The following LRMDA variants were observed in gnomAD, a reference collection of about 807,000 sequenced individuals.
LRMDA encodes leucine-rich melanocyte differentiation-associated protein.
In LRMDA, 18 loss-of-function variants were observed where a neutral mutation model predicts 29.8. The observed-to-expected ratio is 0.60, with a 90% CI of 0.42 to 0.90. LRMDA has a LOEUF of 0.90. Among genes scored for constraint, LRMDA ranks in the 40% least tolerant of loss-of-function variants. The pLI is 0.00. For synonymous variants in LRMDA, 125 were observed against 109.4 expected, an observed-to-expected ratio of 1.14 and a Z score of -0.89; for missense variants, 273 against 273.9, an observed-to-expected ratio of 1.00 and a Z score of 0.02.
At chr10:76,418,990 A>C (rs1393075265) in intron 6 of LRMDA, among the ~76,000 whole-genome samples, 1 of 152,006 alleles carries the variant, frequency 6.6e-6, no homozygotes, top group Non-Finnish European at 1.5e-5. Context: ...CTTCCCAGAT[A>C]CTCCCTGCCT....
rs114986669 is a variant in LRMDA, at chr10:76,263,696, T to G, written c.517-60705T>G. On this transcript the variant is annotated intron_variant, in intron 5 of 6. Transcript: ENST00000611255. Reference sequence around the variant, plus strand: ...CATAGGCTCAAGTGGAAGAATACTGTGTAGGAGCAAGAATAATATGTAGGG... The same window carrying G: ...CATAGGCTCAAGTGGAAGAATACTGGGTAGGAGCAAGAATAATATGTAGGG... Among the ~76,000 whole-genome samples the G allele has an allele frequency of 3.5e-3, 535 of 152,284 alleles. 6 individuals carry two copies. The highest frequency in any genetic ancestry group is 0.012 in the African/African-American group (506 of 41,550).
At chr10:75,476,947 GTCTA>G (rs1273295079) in intron 2 of LRMDA, among the ~76,000 whole-genome samples, 2 of 151,830 alleles carry the variant, frequency 1.3e-5, no homozygotes, top group East Asian at 3.9e-4. Flanking sequence ...CCCTCTGTGT[GTCTA>G]TCTGTGTCCT....
intron 5 of LRMDA, among the ~76,000 whole-genome samples, chr10:76,073,365 A>T (rs2132071252): frequency 6.6e-6 from 1 of 152,176 alleles, no homozygotes; most frequent in East Asian, 1.9e-4. Context: ...TGTGTTCTTG[A>T]TGTGTTTAAT....
intron 2 of LRMDA, among the ~76,000 whole-genome samples, chr10:75,896,065 G>A (rs909702593): frequency 3.9e-5 from 6 of 152,200 alleles, no homozygotes; most frequent in African/African-American, 1.4e-4. Context: ...TTGAGTTCAT[G>A]TATGGAAAGG....
intron 2 of LRMDA, among the ~76,000 whole-genome samples, chr10:75,442,823 G>T (rs2132025244): frequency 6.6e-6 from 1 of 151,958 alleles, no homozygotes; most frequent in South Asian, 2.1e-4. Context: ...TGAAACTGTT[G>T]ATTGCTTTAG....
chr10:76,295,428 A>G lies in LRMDA; in HGVS notation c.517-28973A>G, dbSNP rs144649621. The stretch of plus-strand genomic sequence containing the variant: ...TTTCAAAGTTTGCCTATACATTTTC[A>G]GTCATTTCCTTGTTTGTATTCAGGT... On this transcript the variant is annotated intron_variant, in intron 5 of 6. Coordinates refer to ENST00000611255, the MANE Select transcript of LRMDA (RefSeq NM_001305581.2). 4.3e-3 allele frequency among the ~76,000 whole-genome samples: 654 copies of G among 152,324 alleles called. 5 individuals carry two copies. Among genetic ancestry groups the G allele is most frequent in the African/African-American group, 0.014 (592 of 41,572 alleles).
intron 5 of LRMDA, among the ~76,000 whole-genome samples, chr10:76,241,725 A>T (rs1488792587): frequency 2.0e-5 from 3 of 152,142 alleles, no homozygotes; most frequent in African/African-American, 7.2e-5. Flanking sequence ...TGCCCTGGTG[A>T]ATAACACTGC....
intron 6 of LRMDA, among the ~76,000 whole-genome samples, chr10:76,492,963 T>C (rs1457261182): frequency 1.3e-5 from 2 of 151,942 alleles, no homozygotes; most frequent in Non-Finnish European, 2.9e-5. Context: ...AGCCAAACCA[T>C]ATCAGACCTG....
rs763810945 is a variant in LRMDA, at chr10:76,036,102, A to G, written c.226A>G (p.Arg76Gly). The change falls in exon 3 of 7, where the codon AGA (arginine) becomes GGA (glycine). Residue 76 changes from arginine (R) to glycine (G), a missense_variant. Transcript: ENST00000611255. ...CGACCTTGTGTTGCCAGGGTTACCC[A>G]GACTGCATACCTTAACCCTCAACAA... ...GDDLVLPGLP[R>G]LHTLTLNKNR... 12 of 1,614,046 alleles carry G rather than the reference A, an allele frequency of 7.4e-6. No individual in the cohort carries two copies. The highest frequency in any genetic ancestry group is 1.0e-5 in the Non-Finnish European group (12 of 1,180,008).
intron 2 of LRMDA, among the ~76,000 whole-genome samples, chr10:75,639,034 C>G (rs191775900): frequency 6.6e-6 from 1 of 152,156 alleles, no homozygotes; most frequent in African/African-American, 2.4e-5. Flanking sequence ...TGTTTTATTA[C>G]GTTTGCCTTT....
intron 2 of LRMDA, among the ~76,000 whole-genome samples, chr10:75,453,157 T>C (rs909484922): frequency 6.6e-6 from 1 of 152,216 alleles, no homozygotes; most frequent in African/African-American, 2.4e-5. Context: ...TCAGATATTA[T>C]TGTATACCTC....
chr10:75,937,436 C>A (rs537021371), intron 2 of LRMDA, among the ~76,000 whole-genome samples: 1 of 152,274 alleles, frequency 6.6e-6, no homozygotes, highest in South Asian at 2.1e-4. Flanking sequence ...GGGTTATCCC[C>A]AAGCCTTGTG....
intron 5 of LRMDA, among the ~76,000 whole-genome samples, chr10:76,170,027 T>C (rs1263313263): frequency 6.6e-6 from 1 of 152,098 alleles, no homozygotes; most frequent in Non-Finnish European, 1.5e-5. Context: ...GAGAGGAAGC[T>C]GAAAGGTAAA....
intron 2 of LRMDA, among the ~76,000 whole-genome samples, chr10:75,855,478 G>C (rs1428022380): frequency 6.6e-6 from 1 of 152,156 alleles, no homozygotes; most frequent in Non-Finnish European, 1.5e-5. Flanking sequence ...TTTGTCAGAT[G>C]AGTAGATTGC....
At chr10:76,471,151 T>C (rs1842613661) in intron 6 of LRMDA, among the ~76,000 whole-genome samples, 1 of 151,650 alleles carries the variant, frequency 6.6e-6, no homozygotes, top group Non-Finnish European at 1.5e-5. Flanking sequence ...AAATGATAAA[T>C]AGAAAGGGAA....
At chr10:76,508,430 T>C (rs532050884) in intron 6 of LRMDA, among the ~76,000 whole-genome samples, 257 of 152,258 alleles carry the variant, frequency 1.7e-3, no homozygotes, top group Non-Finnish European at 2.9e-3. Context: ...TGAGAAAGAG[T>C]TTACCATGCT....
intron 2 of LRMDA, among the ~76,000 whole-genome samples, chr10:75,689,473 G>A (rs867059922): frequency 1.2e-4 from 19 of 152,184 alleles, no homozygotes; most frequent in Admixed American, 7.9e-4. Context: ...CATGTGAGTC[G>A]TAAGGGGATC....
chr10:75,782,657 C>A, intron 2 of LRMDA: 2 of 1,004,728 alleles, frequency 2.0e-6, no homozygotes, highest in Non-Finnish European at 2.5e-6. Context: ...CTTTTGACTT[C>A]TAGTCCTCGC....
chr10:76,212,679 G>T (rs1851657864), intron 5 of LRMDA, among the ~76,000 whole-genome samples: 1 of 152,194 alleles, frequency 6.6e-6, no homozygotes, highest in Non-Finnish European at 1.5e-5. Context: ...GTTGTCATTT[G>T]TTGGTTTCAG....
Sources: gnomAD v4.1 joint callset for allele counts (sites outside exome capture counted in the v4.1 genomes callset) on GRCh38, gnomAD v4.1.1 for gene constraint, MANE v1.5 for transcripts, NCBI Gene and HGNC (gene_info 2026-07-23, HGNC 2026-07-21) for gene names.